RBBP6: variants seen among roughly 807,000 people sequenced by gnomAD.
RBBP6 encodes E3 ubiquitin-protein ligase RBBP6.
A neutral mutation model predicts 167.7 loss-of-function variants in RBBP6; 25 were observed. The observed-to-expected ratio is 0.15, with a 90% CI of 0.11 to 0.21. RBBP6 has a LOEUF of 0.21. Ranked by LOEUF, RBBP6 falls within the 10% of genes least tolerant of loss-of-function variation. The pLI is 1.00. For synonymous variants in RBBP6, 789 were observed against 735.8 expected, an observed-to-expected ratio of 1.07 and a Z score of -1.17; for missense variants, 1,868 against 2,134.2, an observed-to-expected ratio of 0.88 and a Z score of 2.46.
At chr16:24,553,868 C>T (rs974085963) in intron 4 of RBBP6, 1 of 178,882 alleles carries the variant, frequency 5.6e-6, no homozygotes, top group Non-Finnish European at 1.2e-5. Context: ...GGAGGAATTT[C>T]CTGGTTTTGG....
chr16:24,558,384 CTTTTTTTTTT>C, intron 7 of RBBP6: 1 of 532,664 alleles, frequency 1.9e-6, no homozygotes, highest in Non-Finnish European at 2.4e-6. Flanking sequence ...CTCTTTTTTT[CTTTTTTTTTT>C]TTTTCTTTTT....
chr16:24,562,287 T>C, intron 10 of RBBP6, 126 bp downstream of exon 10: 1 of 891,244 alleles, frequency 1.1e-6, no homozygotes, highest in Non-Finnish European at 1.7e-6. Flanking sequence ...GGATGACTTG[T>C]AAGAAGTGAC....
chr16:24,548,423 A>C (rs1470559747), intron 2 of RBBP6, among the ~76,000 whole-genome samples: 1 of 151,304 alleles, frequency 6.6e-6, no homozygotes, highest in East Asian at 1.9e-4. Context: ...CCTCTTGTTC[A>C]ATCCTTGATT....
chr16:24,553,682 T>G (rs772654416), intron 4 of RBBP6, 125 bp downstream of exon 4: 52 of 588,578 alleles, frequency 8.8e-5, no homozygotes, highest in Middle Eastern at 9.6e-4. Context: ...TACATATTAT[T>G]ACTATCCTGT....
chr16:24,570,510 G>A lies in RBBP6; in HGVS notation c.3809+11G>A, dbSNP rs1236515334. On this transcript the variant is annotated intron_variant, in intron 17 of 17. Coordinates refer to ENST00000319715, the MANE Select transcript of RBBP6 (RefSeq NM_006910.5). ...GGTGGATTACACCAGGTAGCTGAGT[G>A]TAGGGGGTGGGTGTGGAACTTTGTT... The A allele has an allele frequency of 1.3e-6, 2 of 1,551,896 alleles. No individual in the cohort carries two copies. The highest frequency in any genetic ancestry group is 1.7e-6 in the Non-Finnish European group (2 of 1,159,518).
chr16:24,560,115 T>G (rs554101364), intron 8 of RBBP6, among the ~76,000 whole-genome samples: 39 of 149,036 alleles, frequency 2.6e-4, no homozygotes, highest in African/African-American at 8.6e-4. Context: ...GTTTTTGTTT[T>G]TTTTTTTTTT....
rs904015622 is a variant in RBBP6, at chr16:24,549,011, C to T, written c.303+30C>T. The T allele has an allele frequency of 9.3e-6, 15 of 1,605,346 alleles. No homozygotes were observed. The Middle Eastern group carries it at 9.9e-4, about 106-fold the overall frequency. Reference sequence around the variant, plus strand: ...GTAAAAACACAATCTCACACTTTTTCTACACATTGCTTTTACCTTTATAAT... The same window carrying T: ...GTAAAAACACAATCTCACACTTTTTTTACACATTGCTTTTACCTTTATAAT... On this transcript the variant is annotated intron_variant, in intron 3 of 17. Coordinates refer to ENST00000319715, the MANE Select transcript of RBBP6 (RefSeq NM_006910.5).
chr16:24,563,744 A>G (rs1899127730), intron 13 of RBBP6, 80 bp downstream of exon 13: 3 of 1,391,168 alleles, frequency 2.2e-6, no homozygotes, highest in African/African-American at 2.9e-5. Context: ...CAAACTAGAT[A>G]ATGGAAGGTC....
Position 24,561,894 on chromosome 16 carries a change from C to T in RBBP6, c.1022C>T (p.Pro341Leu). 6.2e-7 allele frequency: 1 copy of T among 1,614,008 alleles called. No homozygotes were observed. Among genetic ancestry groups the T allele is most frequent in the Non-Finnish European group, 8.5e-7 (1 of 1,179,956 alleles). ...RLRKQLPPPP[P>L]PIPPPRPLIQ... ...CGAAAACAGTTACCTCCTCCACCAC[C>T]CCCAATACCACCTCCGAGACCACTG... The change falls in exon 10 of 18, where the codon CCC (proline) becomes CTC (leucine). Residue 341 changes from proline (P) to leucine (L), a missense_variant. By Grantham distance (98) the Pro-to-Leu change is moderately conservative. This residue lies in a region of RBBP6 where 245 missense variants were observed against 240.1 expected (regional missense o/e 1.02). Transcript: ENST00000319715.
At chr16:24,542,249 A>C (rs1287784785) in intron 1 of RBBP6, among the ~76,000 whole-genome samples, 3 of 152,228 alleles carry the variant, frequency 2.0e-5, no homozygotes, top group Non-Finnish European at 4.4e-5. Context: ...CACATTTCAC[A>C]GAACAGATGG....
intron 14 of RBBP6, among the ~76,000 whole-genome samples, chr16:24,565,396 G>T (rs1033635744): frequency 6.6e-6 from 1 of 152,152 alleles, no homozygotes; most frequent in African/African-American, 2.4e-5. Context: ...TACTGTCTAG[G>T]TCAGGGGTCC....
At chr16:24,557,197 T>A (rs1291526232) in intron 7 of RBBP6, among the ~76,000 whole-genome samples, 2 of 152,060 alleles carry the variant, frequency 1.3e-5, no homozygotes, top group Non-Finnish European at 2.9e-5. Context: ...AGACGGAGTT[T>A]CACCGTGTTA....
At chr16:24,564,500 A>G (rs1304241010) in intron 13 of RBBP6, among the ~76,000 whole-genome samples, 1 of 152,254 alleles carries the variant, frequency 6.6e-6, no homozygotes, top group Non-Finnish European at 1.5e-5. Context: ...TTTTCCTTGT[A>G]TATAACAATA....
At position 24,564,786 on chromosome 16, in the gene RBBP6, C is replaced by T. The variant is rs942000680; in HGVS notation, c.1521-11C>T. 1.1e-5 allele frequency: 17 copies of T among 1,606,336 alleles called. No homozygotes were observed. Among genetic ancestry groups the T allele is most frequent in the Non-Finnish European group, 1.4e-5 (16 of 1,176,410 alleles). On this transcript the variant is annotated splice_polypyrimidine_tract_variant and intron_variant, in intron 13 of 17. Transcript: ENST00000319715. ...GAAATACTTGAGCCTATTTTTTTTT[C>T]TCCCACACAGTTCCAACAAACTTGG...
At chr16:24,557,499 T>C (rs1898942095) in intron 7 of RBBP6, among the ~76,000 whole-genome samples, 1 of 152,176 alleles carries the variant, frequency 6.6e-6, no homozygotes, top group East Asian at 1.9e-4. Flanking sequence ...ACTGCTGTTC[T>C]CTAACTTTGT....
rs1899284188 is a variant in RBBP6, at chr16:24,569,863, C to T, written c.3173C>T (p.Pro1058Leu). The T allele has an allele frequency of 6.2e-7, 1 of 1,610,266 alleles. No individual in the cohort carries two copies. Among genetic ancestry groups the T allele is most frequent in the East Asian group, 2.2e-5 (1 of 44,838 alleles). ...ERERSPRSEP[P>L]IKKAKEETPK... The stretch of plus-strand genomic sequence containing the variant: ...GAGAGATCTCCTCGATCTGAACCTC[C>T]AATTAAAAAAGCCAAAGAGGAGACT... Residue 1058 changes from proline (P) to leucine (L), a missense_variant, in exon 17 of 18, where the codon CCA becomes CTA. Pro to Leu is a moderately conservative substitution (Grantham distance 98). This residue lies in a region of RBBP6 where 673 missense variants were observed against 691.5 expected (regional missense o/e 0.97). Transcript: ENST00000319715.
intron 2 of RBBP6, 76 bp from the exon 3 acceptor site, chr16:24,548,869 A>G (rs1457817513): frequency 8.3e-7 from 1 of 1,202,140 alleles, no homozygotes; most frequent in Non-Finnish European, 1.2e-6. Flanking sequence ...ATTATTGAAG[A>G]TAATGTGTTA....
intron 3 of RBBP6, among the ~76,000 whole-genome samples, chr16:24,550,479 T>C (rs767739950): frequency 6.6e-6 from 1 of 151,664 alleles, no homozygotes; most frequent in Non-Finnish European, 1.5e-5. Context: ...TAAATTAGAT[T>C]GACTATCCTG....
chr16:24,541,143 G>GTT (rs1898475650), intron 1 of RBBP6, among the ~76,000 whole-genome samples: 2 of 147,776 alleles, frequency 1.4e-5, no homozygotes, highest in South Asian at 2.1e-4. Flanking sequence ...CCATCAGGAG[G>GTT]GCAGGAGAGC....
Sources: allele counts gnomAD v4.1 joint callset (sites outside exome capture counted in the v4.1 genomes callset), GRCh38; gene constraint gnomAD v4.1.1; regional missense constraint gnomAD v4.1.1; transcripts MANE v1.5; gene names NCBI Gene and HGNC (gene_info 2026-07-23, HGNC 2026-07-21).